The following GPHN variants were observed in gnomAD, a reference collection of about 807,000 sequenced individuals.
The protein encoded by GPHN is gephyrin.
A neutral mutation model predicts 95.5 loss-of-function variants in GPHN; 17 were observed. The observed-to-expected ratio is 0.18, with a 90% CI of 0.12 to 0.27. GPHN has a LOEUF of 0.27. GPHN is among the 10% of genes least tolerant of loss of function. The probability of loss-of-function intolerance (pLI) is 1.00; values close to 1 mark genes in which losing one functional copy is unlikely to be tolerated. For missense variants in GPHN, 660 were observed against 978.1 expected, an observed-to-expected ratio of 0.67 and a Z score of 4.34; for synonymous variants, 320 against 322.5, an observed-to-expected ratio of 0.99 and a Z score of 0.08.
intron 19 of GPHN, among the ~76,000 whole-genome samples, chr14:67,162,273 G>A (rs891093354): frequency 6.6e-6 from 1 of 152,190 alleles, no homozygotes; most frequent in Non-Finnish European, 1.5e-5. Context: ...GGAAGAAGGT[G>A]TTATACATTC....
At chr14:67,037,836 C>A (rs545925591) in intron 10 of GPHN, among the ~76,000 whole-genome samples, 9 of 151,280 alleles carry the variant, frequency 5.9e-5, no homozygotes, top group African/African-American at 2.2e-4. Flanking sequence ...AAATTGGAAC[C>A]CTTGTGCCCT....
chr14:66,792,823 A>G (rs1029138512), intron 3 of GPHN, among the ~76,000 whole-genome samples: 1 of 152,238 alleles, frequency 6.6e-6, no homozygotes, highest in Admixed American at 6.5e-5. Context: ...ACAGAGATTT[A>G]CCTATGTATT....
At chr14:66,656,734 C>T (rs1376371882) in intron 1 of GPHN, among the ~76,000 whole-genome samples, 1 of 152,096 alleles carries the variant, frequency 6.6e-6, no homozygotes, top group Non-Finnish European at 1.5e-5. Flanking sequence ...TTACCATGAA[C>T]CACATCCATA....
At chr14:67,670,587 G>A in the GPHN span, among the ~76,000 whole-genome samples, 1 of 151,196 alleles carries the variant, frequency 6.6e-6, no homozygotes, top group Non-Finnish European at 1.5e-5. Flanking sequence ...TTCTGAGATA[G>A]AGTCTCGCTC....
the GPHN span, among the ~76,000 whole-genome samples, chr14:67,452,761 A>C: frequency 1.3e-5 from 2 of 152,210 alleles, no homozygotes; most frequent in Non-Finnish European, 2.9e-5. Flanking sequence ...ATTATAAGAC[A>C]TGTCTAGAGA....
chr14:66,695,942 G>A (rs1018302276), intron 2 of GPHN, among the ~76,000 whole-genome samples: 1 of 152,158 alleles, frequency 6.6e-6, no homozygotes, highest in African/African-American at 2.4e-5. Context: ...AACATGTTAT[G>A]ATGCATTGTC....
chr14:67,122,456 GC>G, intron 17 of GPHN, 79 bp downstream of exon 17: 1 of 1,239,074 alleles, frequency 8.1e-7, no homozygotes, highest in Non-Finnish European at 1.2e-6. Context: ...TGGAGTTGCT[GC>G]TAAAGAGACA....
At chr14:67,028,455 A>G (rs1257125684) in intron 10 of GPHN, among the ~76,000 whole-genome samples, 1 of 152,168 alleles carries the variant, frequency 6.6e-6, no homozygotes, top group Non-Finnish European at 1.5e-5. Context: ...TGTTTTTTAT[A>G]ATGTCTTACT....
the GPHN span, among the ~76,000 whole-genome samples, chr14:67,343,086 C>G: frequency 6.6e-6 from 1 of 152,192 alleles, no homozygotes; most frequent in Non-Finnish European, 1.5e-5. Context: ...TATTCCTACC[C>G]TTAAATAACT....
At chr14:67,576,447 T>C in the GPHN span, 1 of 1,611,136 alleles carries the variant, frequency 6.2e-7, no homozygotes, top group Non-Finnish European at 8.5e-7. This position sits in a 1 kb window ranked among gnomAD's most constrained non-coding sequence, Gnocchi z 4.0. Flanking sequence ...AGTGCCAAGG[T>C]GGGCACTGCC....
intron 3 of GPHN, among the ~76,000 whole-genome samples, chr14:66,794,130 A>G (rs956269384): frequency 9.9e-5 from 15 of 152,172 alleles, no homozygotes; most frequent in African/African-American, 3.6e-4. Context: ...ATCTGTGTCC[A>G]CACCCAACTC....
chr14:66,621,227 G>T (rs1255360796), intron 1 of GPHN, among the ~76,000 whole-genome samples: 1 of 150,664 alleles, frequency 6.6e-6, no homozygotes. Flanking sequence ...CGCCTGCCTC[G>T]GCCTCCCAAA....
At chr14:67,303,800 A>G in the GPHN span, among the ~76,000 whole-genome samples, 1 of 151,594 alleles carries the variant, frequency 6.6e-6, no homozygotes, top group Admixed American at 6.6e-5. Context: ...TGGAATCTCC[A>G]TCTGTTGCCC....
chr14:67,730,632 T>C, the GPHN span, among the ~76,000 whole-genome samples: 1 of 152,202 alleles, frequency 6.6e-6, no homozygotes, highest in Non-Finnish European at 1.5e-5. Context: ...AGATGGATTT[T>C]CACTCTTGTC....
chr14:66,787,198 A>G (rs908453049), intron 3 of GPHN, among the ~76,000 whole-genome samples: 1 of 152,158 alleles, frequency 6.6e-6, no homozygotes, highest in Admixed American at 6.5e-5. Context: ...TTGGATTTCT[A>G]TATACTATAA....
intron 1 of GPHN, among the ~76,000 whole-genome samples, chr14:66,666,346 G>A (rs1566786787): frequency 1.3e-5 from 2 of 150,710 alleles, no homozygotes; most frequent in Admixed American, 6.6e-5. Context: ...AATTTTATAT[G>A]GTTTACATTT....
At chr14:66,707,999 A>G (rs755071461) in intron 2 of GPHN, among the ~76,000 whole-genome samples, 10 of 152,164 alleles carry the variant, frequency 6.6e-5, no homozygotes, top group Admixed American at 1.3e-4. Context: ...TAGTCACCCT[A>G]TAAAGTTTCA....
At chr14:67,528,727 C>T in the GPHN span, among the ~76,000 whole-genome samples, 5 of 152,054 alleles carry the variant, frequency 3.3e-5, no homozygotes, top group South Asian at 2.1e-4. Flanking sequence ...GCAGCTGCAG[C>T]GGACAGAGCA....
chr14:67,657,591 C>T, the GPHN span, among the ~76,000 whole-genome samples: 4 of 137,594 alleles, frequency 2.9e-5, no homozygotes, highest in African/African-American at 5.8e-5. Flanking sequence ...AAAGCACGCG[C>T]GCGCGTGCAC....
Sources: gnomAD v4.1 joint callset for allele counts (sites outside exome capture counted in the v4.1 genomes callset) on GRCh38, gnomAD v4.1.1 for gene constraint, Gnocchi (gnomAD v3.1) non-coding constraint, MANE v1.5 for transcripts, NCBI Gene and HGNC (gene_info 2026-07-23, HGNC 2026-07-21) for gene names.